Variants in PRRX2 observed in about 807,000 individuals in gnomAD.
PRRX2 encodes the protein paired mesoderm homeobox protein 2.
PRRX2 carries 11 observed loss-of-function variants against 18.0 expected under a neutral mutation model. The observed-to-expected ratio is 0.61, with a 90% CI of 0.39 to 1.01. PRRX2 has a LOEUF of 1.01. Among genes scored for constraint, PRRX2 ranks in the 50% least tolerant of loss-of-function variants. The probability of loss-of-function intolerance (pLI) is 0.01; values close to 1 mark genes in which losing one functional copy is unlikely to be tolerated. For synonymous variants in PRRX2, 177 were observed against 154.8 expected, an observed-to-expected ratio of 1.14 and a Z score of -1.06; for missense variants, 387 against 351.0, an observed-to-expected ratio of 1.10 and a Z score of -0.82.
intron 1 of PRRX2, chr9:129,713,118 T>G (rs1832652200): frequency 6.6e-6 from 1 of 151,938 alleles, no homozygotes; most frequent in South Asian, 2.1e-4. Flanking sequence ...CGCGGGGAGG[T>G]GCTGCCTGGG....
rs1832406780 is a variant in PRRX2 at position 129,695,247 on chromosome 9, C to T, written c.260-23984C>T. On this transcript the variant is annotated intron_variant, in intron 1 of 3. Transcript: ENST00000372469. The surrounding 1 kb of genome is among the most constrained non-coding windows in gnomAD (Gnocchi z 4.8). ...ATAGGTGGCCCGTAATCAACACTCC[C>T]TCCAGAGGTTTCTGGCTAAGGGGGA... Among the ~76,000 whole-genome samples, 1 of 152,146 alleles carries T rather than the reference C, an allele frequency of 6.6e-6. No individual in the cohort carries two copies. The highest frequency in any genetic ancestry group is 2.4e-5 in the African/African-American group (1 of 41,428).
chr9:129,711,800 C>T (rs1002959685), intron 1 of PRRX2, among the ~76,000 whole-genome samples: 16 of 152,142 alleles, frequency 1.1e-4, no homozygotes, highest in African/African-American at 3.6e-4. Context: ...AGACCCGGAC[C>T]GGCCACCTCC....
intron 1 of PRRX2, among the ~76,000 whole-genome samples, chr9:129,684,119 G>A (rs1832266557): frequency 1.3e-5 from 2 of 152,166 alleles, no homozygotes; most frequent in Admixed American, 1.3e-4. Flanking sequence ...AGACCTGGGG[G>A]TGAGGGGTTC....
chr9:129,679,300 G>A (rs1299351592), intron 1 of PRRX2, among the ~76,000 whole-genome samples: 5 of 152,188 alleles, frequency 3.3e-5, no homozygotes, highest in Non-Finnish European at 7.3e-5. Context: ...GAGGGAGTCC[G>A]GGGTGCTGCT....
At chr9:129,681,974 G>A (rs1042021905) in intron 1 of PRRX2, among the ~76,000 whole-genome samples, 6 of 152,048 alleles carry the variant, frequency 3.9e-5, no homozygotes, top group Non-Finnish European at 8.8e-5. Flanking sequence ...GGCTGCCTGT[G>A]GCGCCGAGAA....
chr9:129,718,840 G>A (rs1460606345), intron 1 of PRRX2, among the ~76,000 whole-genome samples: 1 of 152,166 alleles, frequency 6.6e-6, no homozygotes, highest in Non-Finnish European at 1.5e-5. Context: ...CCTGGGCCGG[G>A]TGCTGGGGAC....
intron 1 of PRRX2, among the ~76,000 whole-genome samples, chr9:129,694,738 G>A (rs76483827): frequency 0.045 from 6,824 of 152,228 alleles, 426 homozygotes; most frequent in East Asian, 0.35. Flanking sequence ...TGGGTTTGCA[G>A]GTGTGAGGAT....
At position 129,722,670 on chromosome 9, in the gene PRRX2, C is replaced by T. The variant is rs10988483; in HGVS notation, c.*318C>T. ...GAAATAAAACCATTTTTTTAAGCCC[C>T]AAAAGGTTGCAGGAAGGTGGGTAAG... On this transcript the variant is annotated 3_prime_UTR_variant, in exon 4 of 4. Coordinates refer to ENST00000372469, the MANE Select transcript of PRRX2 (RefSeq NM_016307.4). The T allele has an allele frequency of 4.4e-5, 9 of 204,828 alleles. No homozygotes were observed. Among genetic ancestry groups the T allele is most frequent in the Non-Finnish European group, 7.7e-5 (8 of 103,406 alleles). 12.7% of individuals were successfully genotyped at this position (204,828 alleles called of 1,614,324 possible).
chr9:129,696,338 G>A (rs945864994), intron 1 of PRRX2, among the ~76,000 whole-genome samples: 4 of 152,230 alleles, frequency 2.6e-5, no homozygotes, highest in Non-Finnish European at 5.9e-5. Flanking sequence ...ACTTTGGGAG[G>A]CTGAGGCGGA....
At chr9:129,683,104 T>A (rs1207808563) in intron 1 of PRRX2, among the ~76,000 whole-genome samples, 2 of 144,250 alleles carry the variant, frequency 1.4e-5, no homozygotes, top group African/African-American at 5.1e-5. Context: ...AGACTCTGTC[T>A]AAAAAAAAAA....
At chr9:129,690,585 C>A (rs1236205358) in intron 1 of PRRX2, among the ~76,000 whole-genome samples, 1 of 150,962 alleles carries the variant, frequency 6.6e-6, no homozygotes, top group East Asian at 2.0e-4. Flanking sequence ...CGGCTCACTG[C>A]AGTCTCCGCC....
chr9:129,708,606 C>T (rs1355930204), intron 1 of PRRX2, among the ~76,000 whole-genome samples: 1 of 152,136 alleles, frequency 6.6e-6, no homozygotes, highest in Non-Finnish European at 1.5e-5. Flanking sequence ...TTTTTCTATT[C>T]TGTGGGTTGT....
chr9:129,678,161 G>A (rs1832184684), intron 1 of PRRX2, among the ~76,000 whole-genome samples: 1 of 151,840 alleles, frequency 6.6e-6, no homozygotes, highest in Non-Finnish European at 1.5e-5. Context: ...ATGGGGTTTT[G>A]TCACGTTGGC....
At chr9:129,688,290 T>C (rs1277549600) in intron 1 of PRRX2, among the ~76,000 whole-genome samples, 5 of 151,972 alleles carry the variant, frequency 3.3e-5, no homozygotes, top group African/African-American at 1.2e-4. Context: ...TCTTGAACTC[T>C]TGGACTCAAG....
intron 1 of PRRX2, among the ~76,000 whole-genome samples, chr9:129,696,516 A>G (rs185682799): frequency 2.6e-5 from 4 of 152,306 alleles, no homozygotes; most frequent in Admixed American, 2.6e-4. Flanking sequence ...TCAAGGCTGC[A>G]GCGGAGCCCA....
intron 2 of PRRX2, 56 bp downstream of exon 2, chr9:129,719,474 A>C: frequency 3.5e-6 from 5 of 1,434,976 alleles, no homozygotes; most frequent in South Asian, 1.4e-5. Context: ...GCGCACAGCC[A>C]CTGTTCACCC....
At chr9:129,674,226 C>T (rs1414452450) in intron 1 of PRRX2, among the ~76,000 whole-genome samples, 1 of 152,186 alleles carries the variant, frequency 6.6e-6, no homozygotes, top group Non-Finnish European at 1.5e-5. Context: ...GTTGTTTGTG[C>T]CCAGCCAGGC....
At chr9:129,721,073 G>A (rs1006930912) in intron 3 of PRRX2, among the ~76,000 whole-genome samples, 4 of 152,348 alleles carry the variant, frequency 2.6e-5, no homozygotes, top group East Asian at 1.9e-4. Flanking sequence ...GCAAGCATGC[G>A]TGTCCACAGG....
intron 1 of PRRX2, among the ~76,000 whole-genome samples, chr9:129,687,097 C>T (rs1832308013): frequency 2.0e-5 from 3 of 152,142 alleles, no homozygotes; most frequent in Non-Finnish European, 1.5e-5. Flanking sequence ...CCTCCTCCTA[C>T]TTGGCTGAGG....
Sources: allele counts gnomAD v4.1 joint callset (sites outside exome capture counted in the v4.1 genomes callset), GRCh38; gene constraint gnomAD v4.1.1; non-coding constraint Gnocchi (gnomAD v3.1); transcripts MANE v1.5; gene names NCBI Gene and HGNC (gene_info 2026-07-23, HGNC 2026-07-21).